Variants in HPSE2 observed in about 807,000 individuals in gnomAD.
The protein encoded by HPSE2 is inactive heparanase-2.
A neutral mutation model predicts 60.5 loss-of-function variants in HPSE2; 38 were observed. The observed-to-expected ratio is 0.63, with a 90% confidence interval of 0.48 to 0.82. HPSE2 has a LOEUF of 0.82. HPSE2 is among the 40% of genes least tolerant of loss of function. The pLI, the probability that HPSE2 is intolerant of heterozygous loss-of-function variation, is 0.00. For missense variants in HPSE2, 713 were observed against 740.4 expected (o/e 0.96, Z 0.43); for synonymous variants, 295 against 293.2 (o/e 1.01, Z -0.06).
chr10:99,050,371 T>C (rs1239900327), intron 3 of HPSE2, among the ~76,000 whole-genome samples: 2 of 151,976 alleles, frequency 1.3e-5, no homozygotes, highest in Non-Finnish European at 2.9e-5. Flanking sequence ...AAGGGAGCCT[T>C]TGTACACTAC....
At chr10:98,937,619 G>C (rs1387252795) in intron 3 of HPSE2, among the ~76,000 whole-genome samples, 6 of 143,572 alleles carry the variant, frequency 4.2e-5, no homozygotes, top group Non-Finnish European at 8.9e-5. Flanking sequence ...ACAGCTCAAG[G>C]AGGCCTGCCT....
chr10:99,021,205 C>T (rs541433097), intron 3 of HPSE2, among the ~76,000 whole-genome samples: 43 of 152,254 alleles, frequency 2.8e-4, no homozygotes, highest in African/African-American at 9.9e-4. Flanking sequence ...ATGGTGTGGA[C>T]AATGGCATCA....
chr10:98,774,297 G>T (rs368153900), intron 3 of HPSE2, among the ~76,000 whole-genome samples: 1 of 151,984 alleles, frequency 6.6e-6, no homozygotes, highest in East Asian at 1.9e-4. Context: ...ATATATTCAA[G>T]AGAAAAATTC....
chr10:98,794,836 A>G (rs112122970), intron 3 of HPSE2, among the ~76,000 whole-genome samples: 6 of 152,236 alleles, frequency 3.9e-5, no homozygotes, highest in African/African-American at 1.4e-4. Context: ...ATGTATGTTT[A>G]TGCTTTAAAC....
chr10:99,305,977 G>GCACACACACACACA, the HPSE2 span, among the ~76,000 whole-genome samples: 154 of 53,706 alleles, frequency 2.9e-3, no homozygotes, highest in South Asian at 6.9e-3. Flanking sequence ...GCGCGCGCGC[G>GCACACACACACACA]CGCACACACA....
At chr10:99,113,813 T>C (rs947086934) in intron 3 of HPSE2, among the ~76,000 whole-genome samples, 1 of 152,122 alleles carries the variant, frequency 6.6e-6, no homozygotes, top group African/African-American at 2.4e-5. Context: ...TACATGAATA[T>C]ACTGTGTATT....
the HPSE2 span, among the ~76,000 whole-genome samples, chr10:99,293,504 C>T: frequency 6.6e-6 from 1 of 152,078 alleles, no homozygotes; most frequent in Admixed American, 6.5e-5. Context: ...GATTGTGTAC[C>T]CAGTTCTAGG....
At chr10:98,833,544 G>A (rs1951728555) in intron 3 of HPSE2, among the ~76,000 whole-genome samples, 1 of 152,142 alleles carries the variant, frequency 6.6e-6, no homozygotes, top group Non-Finnish European at 1.5e-5. Context: ...CATTTTACAT[G>A]TACTACACTA....
At chr10:99,008,785 C>T (rs940211810) in intron 3 of HPSE2, among the ~76,000 whole-genome samples, 3 of 152,094 alleles carry the variant, frequency 2.0e-5, no homozygotes, top group South Asian at 2.1e-4. Flanking sequence ...AGACTCAGTG[C>T]TTAAGGGACT....
chr10:98,601,700 G>A (rs1197361800), intron 9 of HPSE2, among the ~76,000 whole-genome samples: 1 of 152,212 alleles, frequency 6.6e-6, no homozygotes, highest in Admixed American at 6.5e-5. Flanking sequence ...CACAATGTTT[G>A]CTGATAGCCT....
At chr10:98,546,629 C>T (rs1324376218) in intron 9 of HPSE2, among the ~76,000 whole-genome samples, 1 of 151,096 alleles carries the variant, frequency 6.6e-6, no homozygotes, top group Admixed American at 6.6e-5. Context: ...GGATCCCTTC[C>T]TTACACCTTA....
chr10:98,791,538 A>G (rs1950654919), intron 3 of HPSE2, among the ~76,000 whole-genome samples: 1 of 152,204 alleles, frequency 6.6e-6, no homozygotes, highest in South Asian at 2.1e-4. Context: ...GGGTTTGTTT[A>G]CCTTATATGT....
chr10:98,688,873 T>C (rs1017264982), intron 6 of HPSE2, among the ~76,000 whole-genome samples: 1 of 152,172 alleles, frequency 6.6e-6, no homozygotes, highest in Non-Finnish European at 1.5e-5. Context: ...TTGCTGGATA[T>C]AGAATTCTGG....
intron 9 of HPSE2, among the ~76,000 whole-genome samples, chr10:98,490,675 T>C (rs1331947228): frequency 6.6e-6 from 1 of 152,178 alleles, no homozygotes; most frequent in East Asian, 1.9e-4. Context: ...AGACTACTAG[T>C]GCAGTGGGAC....
chr10:99,303,118 G>A, the HPSE2 span, among the ~76,000 whole-genome samples: 1 of 151,664 alleles, frequency 6.6e-6, no homozygotes, highest in Non-Finnish European at 1.5e-5. Flanking sequence ...TTAGCCTTAG[G>A]TATTACCTAT....
chr10:99,047,792 A>C (rs1957890411), intron 3 of HPSE2: 1 of 827,034 alleles, frequency 1.2e-6, no homozygotes, highest in African/African-American at 1.7e-5. Flanking sequence ...GCTTATCTAC[A>C]AAAAAGCAAA....
chr10:99,074,738 T>C (rs1015542755), intron 3 of HPSE2, among the ~76,000 whole-genome samples: 3 of 152,172 alleles, frequency 2.0e-5, no homozygotes, highest in Non-Finnish European at 2.9e-5. Context: ...TTACTCATTA[T>C]TGGCCCGTCC....
At chr10:99,160,104 G>T (rs1156624045) in intron 2 of HPSE2, among the ~76,000 whole-genome samples, 2 of 147,320 alleles carry the variant, frequency 1.4e-5, no homozygotes, top group African/African-American at 4.9e-5. Context: ...ATGCACCACT[G>T]CACTCTAGAC....
chr10:99,076,014 A>G (rs1380425034), intron 3 of HPSE2, among the ~76,000 whole-genome samples: 1 of 152,194 alleles, frequency 6.6e-6, no homozygotes, highest in Non-Finnish European at 1.5e-5. Flanking sequence ...AACCACTTAC[A>G]TGTAATGTAA....
Sources: gnomAD v4.1 joint callset for allele counts (sites outside exome capture counted in the v4.1 genomes callset) on GRCh38, gnomAD v4.1.1 for gene constraint, MANE v1.5 for transcripts, NCBI Gene and HGNC (gene_info 2026-07-23, HGNC 2026-07-21) for gene names.